The following CFAP97D2 variants were observed in gnomAD, a reference collection of about 807,000 sequenced individuals.
CFAP97D2 encodes the protein CFAP97 domain containing 2.
At chr13:114,198,078 C>T (rs1468280216) in intron 2 of CFAP97D2, among the ~76,000 whole-genome samples, 1 of 152,156 alleles carries the variant, frequency 6.6e-6, no homozygotes, top group Non-Finnish European at 1.5e-5. Flanking sequence ...ACCTCCGCCT[C>T]CCGGGTTCAA....
chr13:114,200,675 C>T (rs972123525), intron 3 of CFAP97D2, among the ~76,000 whole-genome samples: 1 of 152,150 alleles, frequency 6.6e-6, no homozygotes, highest in Non-Finnish European at 1.5e-5. Flanking sequence ...TCACAGTTAG[C>T]GGCTGTGAGC....
chr13:114,200,867 C>T (rs573537527), intron 3 of CFAP97D2, among the ~76,000 whole-genome samples: 3 of 152,224 alleles, frequency 2.0e-5, no homozygotes, highest in Admixed American at 1.3e-4. Flanking sequence ...TGTACCCCAG[C>T]CCTGCTCATG....
rs912782197 is a variant in CFAP97D2 at position 114,185,050 on chromosome 13, G to A, written c.90+5630G>A. Among the ~76,000 whole-genome samples, 1 of 152,216 alleles carries A rather than the reference G, an allele frequency of 6.6e-6. No homozygotes were observed. The highest frequency in any genetic ancestry group is 2.4e-5 in the African/African-American group (1 of 41,438). Reference sequence around the variant, plus strand: ...ATGGGTGGTGGTGGTGGAAGCAGCTGCAGGAGTGGCAGTAACAGCGGTGGG... The same window carrying A: ...ATGGGTGGTGGTGGTGGAAGCAGCTACAGGAGTGGCAGTAACAGCGGTGGG... On this transcript the variant is annotated intron_variant, in intron 1 of 4. Coordinates refer to ENST00000646158, the Ensembl canonical transcript of CFAP97D2. The surrounding 1 kb of genome is among the most constrained non-coding windows in gnomAD (Gnocchi z 5.2).
chr13:114,200,213 A>T (rs1297691994), intron 2 of CFAP97D2, 112 bp from the exon 3 acceptor site: 1 of 389,196 alleles, frequency 2.6e-6, no homozygotes, highest in Non-Finnish European at 4.5e-6. Context: ...GCACTCGCCG[A>T]TATGAGACGA....
exon 2 of CFAP97D2, chr13:114,196,445 G>A (rs2080887819): frequency 2.5e-6 from 1 of 399,528 alleles, no homozygotes; most frequent in Non-Finnish European, 4.4e-6. Flanking sequence ...CTGACGTTCC[G>A]CCATCTCCAC....
At chr13:114,192,920 A>G (rs2080874769) in intron 1 of CFAP97D2, among the ~76,000 whole-genome samples, 2 of 152,300 alleles carry the variant, frequency 1.3e-5, no homozygotes, top group South Asian at 4.1e-4. Flanking sequence ...CATTTATGCC[A>G]AAAAACAAGC....
At chr13:114,209,699 G>A (rs1364282661) in intron 3 of CFAP97D2, among the ~76,000 whole-genome samples, 2 of 152,222 alleles carry the variant, frequency 1.3e-5, no homozygotes, top group African/African-American at 4.8e-5. Flanking sequence ...AGCAGCCAAA[G>A]TCATCATTTA....
chr13:114,198,638 A>G (rs535758689), intron 2 of CFAP97D2, among the ~76,000 whole-genome samples: 1 of 150,004 alleles, frequency 6.7e-6, no homozygotes, highest in South Asian at 2.1e-4. Flanking sequence ...CTGAGGGGTG[A>G]CGGCGCGTCC....
chr13:114,209,211 C>T (rs1288603192), intron 3 of CFAP97D2, among the ~76,000 whole-genome samples: 2 of 152,240 alleles, frequency 1.3e-5, no homozygotes, highest in African/African-American at 4.8e-5. Context: ...GCCATCTGGG[C>T]ACCATCCCGC....
chr13:114,201,504 G>A (rs1487219300), intron 3 of CFAP97D2, among the ~76,000 whole-genome samples: 2 of 152,202 alleles, frequency 1.3e-5, no homozygotes, highest in African/African-American at 2.4e-5. Flanking sequence ...CTGTGTGCTG[G>A]CTTTGTTCAA....
chr13:114,204,621 C>A (rs755991807), intron 3 of CFAP97D2, among the ~76,000 whole-genome samples: 1 of 152,142 alleles, frequency 6.6e-6, no homozygotes, highest in South Asian at 2.1e-4. Flanking sequence ...ACAACTCTAT[C>A]GCCACATGCA....
Position 114,180,445 on chromosome 13 carries a change from C to T in CFAP97D2, c.90+1025C>T, listed in dbSNP as rs369991915. 1.4e-3 allele frequency among the ~76,000 whole-genome samples: 216 copies of T among 152,274 alleles called. 1 individual carries two copies. The highest frequency in any genetic ancestry group is 5.0e-3 in the African/African-American group (207 of 41,562). ...TGAGGTCCCCACTGGGAACTCTTCC[C>T]GGCTCCTTCCCCAGCTCAACCTCAC... On this transcript the variant is annotated intron_variant, in intron 1 of 4. Transcript: ENST00000646158.
In CFAP97D2 at chr13:114,211,234, A is replaced by G. The variant is rs1469131238; in HGVS notation, c.291-678A>G. On this transcript the variant is annotated intron_variant, in intron 3 of 4. Transcript: ENST00000646158. The surrounding 1 kb of genome is among the most constrained non-coding windows in gnomAD (Gnocchi z 4.2). ...CCCCCCATGGCTCCCTCTCCATCCA[A>G]TGCAGCCTCCTGAACAGGTTTCACC... 1.3e-5 allele frequency among the ~76,000 whole-genome samples: 2 copies of G among 151,968 alleles called. No individual in the cohort carries two copies. Among genetic ancestry groups the G allele is most frequent in the East Asian group, 3.9e-4 (2 of 5,158 alleles).
chr13:114,216,536 C>T (rs1406357355), intron 4 of CFAP97D2, among the ~76,000 whole-genome samples: 4 of 151,952 alleles, frequency 2.6e-5, no homozygotes, highest in East Asian at 1.9e-4. Context: ...TAAGAACATG[C>T]GGTGTTTGGT....
Sources: gnomAD v4.1 joint callset for allele counts (sites outside exome capture counted in the v4.1 genomes callset) on GRCh38, gnomAD v4.1.1 for gene constraint, Gnocchi (gnomAD v3.1) non-coding constraint, MANE v1.5 for transcripts, NCBI Gene and HGNC (gene_info 2026-07-23, HGNC 2026-07-21) for gene names.